TJP2: variants seen among roughly 807,000 people sequenced by gnomAD.
TJP2 encodes Friedreich ataxia region gene X104 (tight junction protein ZO-2).
Under a neutral mutation model 133.1 loss-of-function variants are expected in TJP2, and 91 were observed. The observed-to-expected ratio is 0.68, with a 90% CI of 0.58 to 0.81. The LOEUF is 0.81. Ranked by LOEUF, TJP2 falls within the 40% of genes least tolerant of loss-of-function variation. The pLI, the probability that TJP2 is intolerant of heterozygous loss-of-function variation, is 0.00. For synonymous variants in TJP2, 592 were observed against 583.4 expected (o/e 1.01, Z -0.21); for missense variants, 1,541 against 1,565.6 (o/e 0.98, Z 0.26).
At chr9:69,209,141 C>T (rs914523249) in intron 1 of TJP2, among the ~76,000 whole-genome samples, 1 of 152,040 alleles carries the variant, frequency 6.6e-6, no homozygotes, top group African/African-American at 2.4e-5. Context: ...CTTTCTTTTT[C>T]TTTTCTTTCT....
intron 11 of TJP2, 31 bp from the exon 12 acceptor site, chr9:69,234,408 T>TTTC: frequency 7.2e-7 from 1 of 1,394,858 alleles, no homozygotes; most frequent in African/African-American, 1.5e-5. Context: ...CTTTTTTTTT[T>TTTC]TTTTCTTTTT....
In TJP2 at chr9:69,216,483, C is replaced by T; in HGVS notation, c.239+20C>T. The T allele has an allele frequency of 1.2e-6, 2 of 1,613,598 alleles. No individual in the cohort carries two copies. The highest frequency in any genetic ancestry group is 1.7e-6 in the Non-Finnish European group (2 of 1,179,940). On this transcript the variant is annotated intron_variant, in intron 3 of 22. Transcript: ENST00000377245. ...GCTCCAGTGAGTGTCCTCCCTCGCTCCGCAGCCCCTACCAGCCCTACTGGT... is the reference window on the plus strand; with the variant it reads ...GCTCCAGTGAGTGTCCTCCCTCGCTTCGCAGCCCCTACCAGCCCTACTGGT...
intron 19 of TJP2, chr9:69,249,109 A>G: frequency 1.6e-6 from 2 of 1,261,284 alleles, no homozygotes; most frequent in Non-Finnish European, 2.0e-6. Flanking sequence ...AGACATGGAT[A>G]TTAGTGACAC....
At chr9:69,216,223 C>G in intron 2 of TJP2, 116 bp from the exon 3 acceptor site, 1 of 1,249,572 alleles carries the variant, frequency 8.0e-7, no homozygotes, top group South Asian at 1.3e-5. Context: ...GTAAGCCCAT[C>G]TGTTCCTGAA....
At chr9:69,232,600 T>C (rs1588123262) in intron 11 of TJP2, among the ~76,000 whole-genome samples, 1 of 152,214 alleles carries the variant, frequency 6.6e-6, no homozygotes, top group African/African-American at 2.4e-5. Context: ...TAAGTGTGGC[T>C]CTTTGTTTTG....
chr9:69,174,907 TTG>T (rs1406984530), intron 1 of TJP2, among the ~76,000 whole-genome samples: 7 of 85,352 alleles, frequency 8.2e-5, no homozygotes, highest in South Asian at 4.5e-4. Context: ...GAAGTAAAAG[TTG>T]TTTTTTTTTT....
At chr9:69,249,621 G>A in intron 20 of TJP2, 136 bp downstream of exon 20, 1 of 1,529,852 alleles carries the variant, frequency 6.5e-7, no homozygotes, top group Non-Finnish European at 8.8e-7. Context: ...CTCTATTAGA[G>A]CCTATCTTTT....
chr9:69,183,700 C>G (rs936259462), intron 1 of TJP2, among the ~76,000 whole-genome samples: 1 of 152,032 alleles, frequency 6.6e-6, no homozygotes, highest in African/African-American at 2.4e-5. Flanking sequence ...ATTCCTAGGA[C>G]CATAGGTTAG....
chr9:69,179,577 C>T (rs1249306282), intron 1 of TJP2, among the ~76,000 whole-genome samples: 1 of 149,770 alleles, frequency 6.7e-6, no homozygotes, highest in Non-Finnish European at 1.5e-5. Context: ...GGTGCGATCT[C>T]GGCTCACTGC....
intron 1 of TJP2, among the ~76,000 whole-genome samples, chr9:69,129,327 A>G (rs561315846): frequency 1.3e-5 from 2 of 152,230 alleles, no homozygotes; most frequent in South Asian, 4.1e-4. Flanking sequence ...CCTGGCCAAC[A>G]TGGTGAAACC....
upstream of TJP2, among the ~76,000 whole-genome samples, chr9:69,172,079 G>A (rs1824719629): frequency 6.6e-6 from 1 of 152,188 alleles, no homozygotes; most frequent in Admixed American, 6.5e-5. Context: ...ACAGGCATGA[G>A]CCACCGCGCC....
In TJP2 at chr9:69,174,307, T is replaced by G. The variant is rs1280181757; in HGVS notation, c.-66T>G. 7.8e-6 allele frequency: 12 copies of G among 1,547,816 alleles called. No homozygotes were observed. The African/African-American group carries it at 9.7e-5, about 13-fold the overall frequency. Reference sequence around the variant, plus strand: ...ACTGTCCGGTGGTGCCCAGGAGGAGTAGGAGCAGGAGCAGAAGCAGAAGCG... The same window carrying G: ...ACTGTCCGGTGGTGCCCAGGAGGAGGAGGAGCAGGAGCAGAAGCAGAAGCG... On this transcript the variant is annotated 5_prime_UTR_variant, in exon 1 of 23. Coordinates refer to ENST00000377245, the MANE Select transcript of TJP2 (RefSeq NM_004817.4).
intron 12 of TJP2, among the ~76,000 whole-genome samples, chr9:69,235,776 C>T (rs1830143551): frequency 6.6e-6 from 1 of 152,164 alleles, no homozygotes. Context: ...CAGAGAAAGG[C>T]ATAGAATAAA....
chr9:69,229,269 C>G lies in TJP2; in HGVS notation c.1520+19C>G, dbSNP rs565820963. ...TATATGGGTATGTATTTCCGTCTCT[C>G]TTTGTTTTCCCTTCTTCCTTACAGC... On this transcript the variant is annotated intron_variant, in intron 10 of 22. Coordinates refer to ENST00000377245, the MANE Select transcript of TJP2 (RefSeq NM_004817.4). 1.9e-6 allele frequency: 3 copies of G among 1,609,270 alleles called. No homozygotes were observed. In the East Asian group the frequency reaches 6.7e-5, roughly 36 times the overall value.
At chr9:69,151,697 C>T in exon 2 of TJP2, 6 of 1,232,082 alleles carry the variant, frequency 4.9e-6, no homozygotes, top group Non-Finnish European at 6.1e-6. Flanking sequence ...GTGGGATTGG[C>T]ACCCCGGCTG....
At chr9:69,143,830 G>A (rs898507819) in intron 1 of TJP2, among the ~76,000 whole-genome samples, 2 of 152,110 alleles carry the variant, frequency 1.3e-5, no homozygotes, top group African/African-American at 4.8e-5. Flanking sequence ...TCACCAAACT[G>A]TAATATACCC....
chr9:69,160,691 A>G (rs1342070101), intron 2 of TJP2, among the ~76,000 whole-genome samples: 1 of 152,224 alleles, frequency 6.6e-6, no homozygotes, highest in Non-Finnish European at 1.5e-5. Flanking sequence ...AGGCTGGGCA[A>G]TTTACAAAAG....
chr9:69,236,340 G>A, intron 13 of TJP2, 102 bp downstream of exon 13: 1 of 1,135,882 alleles, frequency 8.8e-7, no homozygotes, highest in Non-Finnish European at 1.3e-6. Context: ...CACATGATGA[G>A]TTCATTACTT....
At chr9:69,217,367 T>C (rs1364076749) in intron 3 of TJP2, among the ~76,000 whole-genome samples, 4 of 152,354 alleles carry the variant, frequency 2.6e-5, no homozygotes, top group African/African-American at 9.6e-5. Flanking sequence ...GTTAACTGTA[T>C]GGCTGCATTG....
Sources: gnomAD v4.1 joint callset for allele counts (sites outside exome capture counted in the v4.1 genomes callset) on GRCh38, gnomAD v4.1.1 for gene constraint, MANE v1.5 for transcripts, NCBI Gene and HGNC (gene_info 2026-07-23, HGNC 2026-07-21) for gene names.